CNNM4: variants seen among roughly 807,000 people sequenced by gnomAD.
CNNM4 encodes cyclin and CBS domain divalent metal cation transport mediator 4.
CNNM4 carries 32 observed loss-of-function variants against 53.7 expected under a neutral mutation model. The ratio of observed to expected loss-of-function variants is 0.60; its 90% CI spans 0.45 to 0.80. CNNM4 has a LOEUF of 0.80. Ranked by LOEUF, CNNM4 falls within the 30% of genes least tolerant of loss-of-function variation. The pLI, the probability that CNNM4 is intolerant of heterozygous loss-of-function variation, is 0.00. For missense variants in CNNM4, 784 were observed against 1,022.0 expected (o/e 0.77, Z 3.17); for synonymous variants, 410 against 440.0 (o/e 0.93, Z 0.85).
At chr2:96,802,941 C>G (rs2079172117) in intron 5 of CNNM4, among the ~76,000 whole-genome samples, 1 of 152,138 alleles carries the variant, frequency 6.6e-6, no homozygotes, top group Admixed American at 6.6e-5. Context: ...CTGTGCCCAT[C>G]AGGAGCAGCA....
chr2:96,774,960 CAAAAAAAAAAAAAAAAAAAAAAAA>C (rs56997097), intron 1 of CNNM4, among the ~76,000 whole-genome samples: 3 of 17,692 alleles, frequency 1.7e-4, no homozygotes, highest in Non-Finnish European at 2.4e-4. Flanking sequence ...GACTCCATCT[CAAAAAAAAAAAAAAAAAAAAAAAA>C]AAAAAAAAAA....
intron 1 of CNNM4, among the ~76,000 whole-genome samples, chr2:96,781,403 G>A (rs746809799): frequency 1.5e-4 from 23 of 152,090 alleles, no homozygotes; most frequent in Non-Finnish European, 2.8e-4. Flanking sequence ...AGGCTAGAGC[G>A]CAGTGGCACA....
chr2:96,797,549 A>T lies in CNNM4; in HGVS notation c.1583A>T (p.Asn528Ile), dbSNP rs755653851. 6.2e-7 allele frequency: 1 copy of T among 1,614,198 alleles called. No homozygotes were observed. The highest frequency in any genetic ancestry group is 8.5e-7 in the Non-Finnish European group (1 of 1,180,022). ...NRSRKRVSEK[N>I]KRDFSAFKDA... ...AGCCGGAAGCGGGTGTCTGAGAAGA[A>T]CAAGCGTGACTTCTCTGCCTTCAAG... is the stretch of plus-strand genomic sequence containing the variant. Residue 528 changes from asparagine (N) to isoleucine (I), a missense_variant, in exon 3 of 7, where the codon AAC (asparagine) becomes ATC (isoleucine). Coordinates refer to ENST00000377075, the MANE Select transcript of CNNM4 (RefSeq NM_020184.4). This position sits in a 1 kb window ranked among gnomAD's most constrained non-coding sequence, Gnocchi z 6.0.
chr2:96,801,207 C>A lies in CNNM4; in HGVS notation c.1948+1559C>A. 1.2e-6 allele frequency: 1 copy of A among 811,598 alleles called. No individual in the cohort carries two copies. Among genetic ancestry groups the A allele is most frequent in the Non-Finnish European group, 1.5e-6 (1 of 670,988 alleles). The allele number at this position is 811,598 out of a possible 1,614,324, so 50.3% of individuals were successfully genotyped here. A position where few individuals can be genotyped will look rare whatever the true frequency, so the allele number is the denominator to read the frequency against. ...TGCACACTGCAGCTGCATTAACCTC[C>A]CCACATGGACCCGGACCCCCGCCTG... On this transcript the variant is annotated intron_variant, in intron 5 of 6. Transcript: ENST00000377075. The surrounding 1 kb of genome is among the most constrained non-coding windows in gnomAD (Gnocchi z 5.6).
At position 96,761,101 on chromosome 2, in the gene CNNM4, G is replaced by A; in HGVS notation, c.102G>A (p.Gly34=). The part of the protein sequence containing the change: ...PVLLVLLWAL[G]ARGQGSPQQG... ...TGCTGGTGCTGCTGTGGGCGCTGGG[G>A]GCCCGGGGCCAGGGCAGCCCCCAGC... is the stretch of plus-strand genomic sequence containing the variant. Residue 34 remains glycine (G), a synonymous_variant, in exon 1 of 7, where the codon GGG becomes GGA. Coordinates refer to ENST00000377075, the MANE Select transcript of CNNM4 (RefSeq NM_020184.4). This position sits in a 1 kb window ranked among gnomAD's most constrained non-coding sequence, Gnocchi z 6.0. 1 of 1,535,224 alleles carries A rather than the reference G, an allele frequency of 6.5e-7. No individual in the cohort carries two copies. Among genetic ancestry groups the A allele is most frequent in the South Asian group, 1.2e-5 (1 of 80,400 alleles).
chr2:96,776,683 G>C (rs1158877706), intron 1 of CNNM4, among the ~76,000 whole-genome samples: 3 of 152,072 alleles, frequency 2.0e-5, no homozygotes, highest in Admixed American at 2.0e-4. Flanking sequence ...ATGCATCTCG[G>C]CTCACTGCAA....
In CNNM4 at chr2:96,809,695, G is replaced by C; in HGVS notation, c.*178G>C. The stretch of plus-strand genomic sequence containing the variant: ...CTGCCAGGGACCTCTGAGTAGCTCT[G>C]AGGTGGCACTGTCCAGCCCTGGATA... On this transcript the variant is annotated 3_prime_UTR_variant, in exon 7 of 7. Transcript: ENST00000377075. 1 of 621,542 alleles carries C rather than the reference G, an allele frequency of 1.6e-6. No individual in the cohort carries two copies. Among genetic ancestry groups the C allele is most frequent in the Admixed American group, 2.9e-5 (1 of 34,330 alleles). 38.5% of individuals were successfully genotyped at this position (621,542 alleles called of 1,614,324 possible). A position where few individuals can be genotyped will look rare whatever the true frequency, so the allele number is the denominator to read the frequency against.
chr2:96,792,262 C>CCA (rs1275267550), intron 1 of CNNM4, among the ~76,000 whole-genome samples: 14 of 144,572 alleles, frequency 9.7e-5, no homozygotes, highest in Admixed American at 6.9e-4. Flanking sequence ...AAAAAAAAAA[C>CCA]CACACACACA....
Position 96,761,033 on chromosome 2 carries a change from G to T in CNNM4, c.34G>T (p.Gly12Cys), listed in dbSNP as rs1171352404. ...GGTGGGCGGGGGCGGGCGCCCGGTCGGCGGACCGGCCCGCGGGCGCCTCCT... is the reference window on the plus strand; with the variant it reads ...GGTGGGCGGGGGCGGGCGCCCGGTCTGCGGACCGGCCCGCGGGCGCCTCCT... The part of the protein sequence containing the change: ...APVGGGGRPV[G>C]GPARGRLLLA... The change falls in exon 1 of 7, where the codon GGC becomes TGC. Residue 12 changes from glycine (G) to cysteine (C), a missense_variant. Coordinates refer to ENST00000377075, the MANE Select transcript of CNNM4 (RefSeq NM_020184.4). The surrounding 1 kb of genome is among the most constrained non-coding windows in gnomAD (Gnocchi z 6.0). 2.5e-6 allele frequency: 3 copies of T among 1,215,784 alleles called. No individual in the cohort carries two copies. The highest frequency in any genetic ancestry group is 3.1e-6 in the Non-Finnish European group (3 of 974,932). The allele number at this position is 1,215,784 out of a possible 1,614,324, so 75.3% of individuals were successfully genotyped here.
chr2:96,761,149 G>C lies in CNNM4; in HGVS notation c.150G>C (p.Arg50Ser). The change falls in exon 1 of 7, where the codon AGG becomes AGC. Residue 50 changes from arginine to serine, a missense_variant. By Grantham distance (110) the Arg-to-Ser change is moderately radical (BLOSUM62 -1). This residue lies in a region of CNNM4 where 473 missense variants were observed against 624.6 expected (regional missense o/e 0.76). Transcript: ENST00000377075. The surrounding 1 kb of genome is among the most constrained non-coding windows in gnomAD (Gnocchi z 6.0). ...SPQQGTIVGM[R>S]LASCNKSCGT... ...AGCAGGGCACGATCGTGGGCATGAG[G>C]CTGGCGAGCTGCAACAAGTCGTGTG... is the stretch of plus-strand genomic sequence containing the variant. The C allele has an allele frequency of 6.2e-7, 1 of 1,606,912 alleles. No individual in the cohort carries two copies. The highest frequency in any genetic ancestry group is 8.5e-7 in the Non-Finnish European group (1 of 1,175,064).
In CNNM4 at chr2:96,761,482, G is replaced by A; in HGVS notation, c.483G>A (p.Leu161=). The A allele has an allele frequency of 6.2e-7, 1 of 1,614,154 alleles. No individual in the cohort carries two copies. The change falls in exon 1 of 7, where the codon CTG becomes CTA. Residue 161 remains leucine, a synonymous_variant. Transcript: ENST00000377075. The surrounding 1 kb of genome is among the most constrained non-coding windows in gnomAD (Gnocchi z 6.0). ...GGGCCCAGCCCGACGGGCCCTGGCT[G>A]AAGTGGACGGACAAGGACTCACTGC... ...CTRAQPDGPW[L]KWTDKDSLLF...
rs944056206 is a variant in CNNM4 at position 96,764,309 on chromosome 2, C to G, written c.1402+1908C>G. Among the ~76,000 whole-genome samples, 8 of 152,262 alleles carry G rather than the reference C, an allele frequency of 5.3e-5. No individual in the cohort carries two copies. In the South Asian group the frequency reaches 1.5e-3, roughly 28 times the overall value. ...GAAAACAGAGCTAGCATCTCTTAGGCCGTAGCAGAGCTCTGCTGAGCCAGA... is the reference window on the plus strand; with the variant it reads ...GAAAACAGAGCTAGCATCTCTTAGGGCGTAGCAGAGCTCTGCTGAGCCAGA... On this transcript the variant is annotated intron_variant, in intron 1 of 6. Transcript: ENST00000377075.
chr2:96,805,431 T>G (rs1416761614), intron 5 of CNNM4, among the ~76,000 whole-genome samples: 3 of 140,390 alleles, frequency 2.1e-5, no homozygotes, highest in African/African-American at 3.0e-5. Flanking sequence ...TTTTTTTTTT[T>G]TTTTTTTTAT....
intron 1 of CNNM4, among the ~76,000 whole-genome samples, chr2:96,780,592 G>A (rs2078965880): frequency 6.6e-6 from 1 of 152,114 alleles, no homozygotes; most frequent in South Asian, 2.1e-4. Flanking sequence ...CAGACTCTGT[G>A]TATGGGGGTT....
chr2:96,783,705 A>G (rs771641408), intron 1 of CNNM4, among the ~76,000 whole-genome samples: 4 of 152,344 alleles, frequency 2.6e-5, no homozygotes, highest in East Asian at 3.9e-4. Context: ...TCTTAAGGAC[A>G]TGGAGATACA....
chr2:96,772,313 C>T (rs1023248066), intron 1 of CNNM4, among the ~76,000 whole-genome samples: 1 of 138,998 alleles, frequency 7.2e-6, no homozygotes, highest in Non-Finnish European at 1.5e-5. Context: ...AGGCTCTACT[C>T]CCACCCGTGC....
At chr2:96,798,824 T>C (rs1268129066) in intron 3 of CNNM4, among the ~76,000 whole-genome samples, 1 of 152,200 alleles carries the variant, frequency 6.6e-6, no homozygotes, top group Non-Finnish European at 1.5e-5. Context: ...TCATGTGCTG[T>C]TCTTGCAGGA....
chr2:96,785,309 G>A (rs990673089), intron 1 of CNNM4, among the ~76,000 whole-genome samples: 7 of 151,928 alleles, frequency 4.6e-5, no homozygotes, highest in Admixed American at 3.9e-4. Flanking sequence ...ACTAGTACAT[G>A]TATTATAGAA....
Position 96,806,506 on chromosome 2 carries a change from AACACAC to A in CNNM4, c.1949-2030_1949-2025del, listed in dbSNP as rs151020163. Among the ~76,000 whole-genome samples, 420 of 135,432 alleles carry A rather than the reference AACACAC, an allele frequency of 3.1e-3. 1 individual carries two copies. The highest frequency in any genetic ancestry group is 0.01 in the African/African-American group (373 of 35,554). 88.8% of individuals were successfully genotyped at this position (135,432 alleles called of 152,430 possible). ...ACTCTTCTTCCTTCCCTAGCTATCC[AACACAC>A]ACACACACACACACACACACACACG... On this transcript the variant is annotated intron_variant, in intron 5 of 6. Transcript: ENST00000377075.
Sources: allele counts gnomAD v4.1 joint callset (sites outside exome capture counted in the v4.1 genomes callset), GRCh38; gene constraint gnomAD v4.1.1; regional missense constraint gnomAD v4.1.1; non-coding constraint Gnocchi (gnomAD v3.1); transcripts MANE v1.5; gene names NCBI Gene and HGNC (gene_info 2026-07-23, HGNC 2026-07-21).